The following CD63 variants were observed in gnomAD, a reference collection of about 807,000 sequenced individuals.
CD63 encodes CD63 molecule, also known as CD63 antigen.
In CD63, 16 loss-of-function variants were observed where a neutral mutation model predicts 29.2. The ratio of observed to expected loss-of-function variants is 0.55; its 90% CI spans 0.37 to 0.83. The LOEUF (loss-of-function observed/expected upper bound fraction) is 0.83, where lower values mean the gene tolerates loss of function less well. Ranked by LOEUF, CD63 falls within the 40% of genes least tolerant of loss-of-function variation. The pLI, the probability that CD63 is intolerant of heterozygous loss-of-function variation, is 0.00. For synonymous variants in CD63, 118 were observed against 111.7 expected, an observed-to-expected ratio of 1.06 and a Z score of -0.36; for missense variants, 251 against 297.3, an observed-to-expected ratio of 0.84 and a Z score of 1.15.
rs767102422 is a variant in CD63, at chr12:55,727,202, A to G, written c.204T>C (p.Ala68=). The change falls in exon 3 of 8, where the codon GCT becomes GCC. Residue 68 remains alanine, a synonymous_variant. Transcript: ENST00000257857. ...IAVGVFLFLV[A]FVGCCGACKE... ...TGCAGGCCCCGCAGCAGCCCACAAA[A>G]GCCACCAGGAAGAGGAAGACACCCA... 1 of 1,613,846 alleles carries G rather than the reference A, an allele frequency of 6.2e-7. No individual in the cohort carries two copies. Among genetic ancestry groups the G allele is most frequent in the Non-Finnish European group, 8.5e-7 (1 of 1,180,012 alleles).
Position 55,728,001 on chromosome 12 carries a change from G to A in CD63, c.66+275C>T. The stretch of plus-strand genomic sequence containing the variant: ...CAGGCGGTTGGCTGGTTGCCCCACT[G>A]CCCCATATCACAAGTGGTTGGGTCA... On this transcript the variant is annotated intron_variant, in intron 2 of 7. Coordinates refer to ENST00000257857, the MANE Select transcript of CD63 (RefSeq NM_001780.6). The surrounding 1 kb of genome is among the most constrained non-coding windows in gnomAD (Gnocchi z 4.8). 2 of 1,024,564 alleles carry A rather than the reference G, an allele frequency of 2.0e-6. No homozygotes were observed. The allele number at this position is 1,024,564 out of a possible 1,614,324, so 63.5% of individuals were successfully genotyped here. A position where few individuals can be genotyped will look rare whatever the true frequency, so the allele number is the denominator to read the frequency against.
intron 2 of CD63, chr12:55,727,739 T>A: frequency 9.7e-7 from 1 of 1,031,088 alleles, no homozygotes. Context: ...TCTGGCCAGT[T>A]AGGCCAGGAG....
At chr12:55,726,547 G>T (rs1592529912) in intron 5 of CD63, among the ~76,000 whole-genome samples, 153 bp downstream of exon 5, 1 of 151,880 alleles carries the variant, frequency 6.6e-6, no homozygotes, top group Non-Finnish European at 1.5e-5. Flanking sequence ...GTTTCACCAC[G>T]TTGGCCAGGC....
chr12:55,729,442 A>G (rs1877771896), upstream of CD63: 1 of 152,662 alleles, frequency 6.6e-6, no homozygotes, highest in East Asian at 1.9e-4. Flanking sequence ...ATCCTACCGT[A>G]GGGGATGAGC....
chr12:55,725,760 C>A, intron 7 of CD63, 53 bp downstream of exon 7: 1 of 1,580,394 alleles, frequency 6.3e-7, no homozygotes, highest in East Asian at 2.2e-5. Flanking sequence ...TCAGCCCCTT[C>A]CCTCCAGGCA....
chr12:55,727,524 CT>C, intron 2 of CD63, 185 bp from the exon 3 acceptor site: 1 of 1,269,520 alleles, frequency 7.9e-7, no homozygotes, highest in South Asian at 1.9e-5. Flanking sequence ...CCTACCTCCC[CT>C]GATCCCCTCC....
At position 55,728,873 on chromosome 12, in the gene CD63, T is replaced by G; in HGVS notation, c.-12+80A>C. ...AGCGCCGGACGAGTCTCCGCGGGCCTGGGGCGAGCCCTGGAGGAAGGGACT... is the reference window on the plus strand; with the variant it reads ...AGCGCCGGACGAGTCTCCGCGGGCCGGGGGCGAGCCCTGGAGGAAGGGACT... On this transcript the variant is annotated intron_variant, in intron 1 of 7. Coordinates refer to ENST00000257857, the MANE Select transcript of CD63 (RefSeq NM_001780.6). The surrounding 1 kb of genome is among the most constrained non-coding windows in gnomAD (Gnocchi z 4.8). 1 of 989,432 alleles carries G rather than the reference T, an allele frequency of 1.0e-6. No individual in the cohort carries two copies. The highest frequency in any genetic ancestry group is 4.4e-5 in the South Asian group (1 of 22,474). The allele number at this position is 989,432 out of a possible 1,614,324, so 61.3% of individuals were successfully genotyped here.
chr12:55,723,884 A>C, downstream of CD63: 1 of 1,613,608 alleles, frequency 6.2e-7, no homozygotes, highest in African/African-American at 1.3e-5. Flanking sequence ...CCCCGACTCT[A>C]GGCGGGATGT....
At chr12:55,724,005 C>G, downstream of CD63, 3 of 1,613,302 alleles carry the variant, frequency 1.9e-6, no homozygotes, top group East Asian at 4.5e-5. Context: ...GCACGGCTGC[C>G]TCCTGCCACA....
intron 7 of CD63, 93 bp from the exon 8 acceptor site, chr12:55,725,719 C>A (rs1377723740): frequency 6.6e-7 from 1 of 1,513,914 alleles, no homozygotes; most frequent in Non-Finnish European, 9.2e-7. Flanking sequence ...CACTCCCAGG[C>A]CAGTACCTCC....
chr12:55,723,750 C>G, downstream of CD63: 2 of 978,700 alleles, frequency 2.0e-6, no homozygotes, highest in Non-Finnish European at 3.2e-6. Context: ...TGACCCTTGT[C>G]CCGGGGCAGT....
chr12:55,723,819 C>T (rs1877047825), downstream of CD63: 2 of 1,578,118 alleles, frequency 1.3e-6, no homozygotes, highest in South Asian at 2.2e-5. Flanking sequence ...GCTCCCCAAC[C>T]CATGTCCCTC....
rs1877288457 is a variant in CD63 at position 55,726,029 on chromosome 12, C to A, written c.567+92G>T. 13 of 1,525,790 alleles carry A rather than the reference C, an allele frequency of 8.5e-6. 1 individual carries two copies. The South Asian group carries it at 1.4e-4, about 16-fold the overall frequency. The allele number at this position is 1,525,790 out of a possible 1,614,324, so 94.5% of individuals were successfully genotyped here. A position where few individuals can be genotyped will look rare whatever the true frequency, so the allele number is the denominator to read the frequency against. ...CCTTAGCATTTCCAGATCCCCTCCC[C>A]ATCCCTGACCCTGTCCACCTCCATC... On this transcript the variant is annotated intron_variant, in intron 6 of 7. Transcript: ENST00000257857.
chr12:55,724,762 C>T (rs934778085), downstream of CD63: 6 of 611,916 alleles, frequency 9.8e-6, no homozygotes, highest in South Asian at 1.1e-4. Context: ...GGTCTCTGGC[C>T]TGTTCAGTCC....
chr12:55,727,729 T>C, intron 2 of CD63: 1 of 1,037,284 alleles, frequency 9.6e-7, no homozygotes, highest in East Asian at 8.8e-5. Flanking sequence ...CTAAGGTTCC[T>C]CTGGCCAGTT....
upstream of CD63, chr12:55,729,069 C>T: frequency 1.0e-6 from 1 of 985,366 alleles, no homozygotes; most frequent in Non-Finnish European, 1.2e-6. Context: ...GCTCCAGCCA[C>T]GGTCCCCTCC....
In CD63 at chr12:55,725,600, G is replaced by C. The variant is rs1436443448; in HGVS notation, c.678C>G (p.Cys226Trp). The C allele has an allele frequency of 1.2e-6, 2 of 1,613,958 alleles. No individual in the cohort carries two copies. The highest frequency in any genetic ancestry group is 1.6e-4 in the Middle Eastern group (1 of 6,084). The part of the protein sequence containing the change: ...VEVLGIVFAC[C>W]LVKSIRSGYE... ...AGCCACTTCTGATACTCTTCACGAG[G>C]CAGCAGGCAAAGACAATTCCCAAAA... The change falls in exon 8 of 8, where the codon TGC (cysteine) becomes TGG (tryptophan). Residue 226 changes from cysteine to tryptophan, a missense_variant. Transcript: ENST00000257857.
In CD63 at chr12:55,725,493, G is replaced by A. The variant is rs373963725; in HGVS notation, c.*68C>T. On this transcript the variant is annotated 3_prime_UTR_variant, in exon 8 of 8. Transcript: ENST00000257857. ...TCTTTTCGGTCTGAAAAAATAATCC[G>A]TTTAATTGAAAAACCTGGAGGATAC... 8.9e-5 allele frequency: 113 copies of A among 1,271,608 alleles called. No homozygotes were observed. The highest frequency in any genetic ancestry group is 2.9e-4 in the Admixed American group (17 of 58,832). 78.8% of individuals were successfully genotyped at this position (1,271,608 alleles called of 1,614,324 possible). A position where few individuals can be genotyped will look rare whatever the true frequency, so the allele number is the denominator to read the frequency against.
chr12:55,725,951 C>T (rs566016565), intron 6 of CD63, 55 bp from the exon 7 acceptor site: 72 of 1,463,764 alleles, frequency 4.9e-5, no homozygotes, highest in Non-Finnish European at 6.5e-5. Context: ...CCCACCCCAA[C>T]CCCCTCCCTT....
Sources: allele counts gnomAD v4.1 joint callset (sites outside exome capture counted in the v4.1 genomes callset), GRCh38; gene constraint gnomAD v4.1.1; non-coding constraint Gnocchi (gnomAD v3.1); transcripts MANE v1.5; gene names NCBI Gene and HGNC (gene_info 2026-07-23, HGNC 2026-07-21).